Variants in TENM2 observed in about 807,000 individuals in gnomAD.
The protein encoded by TENM2 is teneurin transmembrane protein 2.
TENM2 carries 52 observed loss-of-function variants against 245.2 expected under a neutral mutation model. That is an observed-to-expected ratio of 0.21 (90% CI 0.17 to 0.27). The LOEUF (loss-of-function observed/expected upper bound fraction) is 0.27, where lower values mean the gene tolerates loss of function less well. TENM2 is among the 10% of genes least tolerant of loss of function. The pLI is 1.00. For synonymous variants in TENM2, 1,363 were observed against 1,438.9 expected (o/e 0.95, Z 1.19); for missense variants, 3,046 against 3,666.8 (o/e 0.83, Z 4.37).
intron 9 of TENM2, among the ~76,000 whole-genome samples, chr5:168,118,064 C>T (rs1044000015): frequency 2.0e-5 from 3 of 152,248 alleles, no homozygotes; most frequent in Non-Finnish European, 4.4e-5. Flanking sequence ...AGCCTTCTTT[C>T]TATACCGTGC....
Position 168,244,324 on chromosome 5 carries a change from C to T in TENM2, c.5521-96C>T. On this transcript the variant is annotated intron_variant, in intron 25 of 28. Transcript: ENST00000518659. This position sits in a 1 kb window ranked among gnomAD's most constrained non-coding sequence, Gnocchi z 4.9. ...GGGTTATTTCTTCCTCCAGTGAACA[C>T]TTAAGCCCTGGCCATGCCAGCCATG... 1 of 1,021,558 alleles carries T rather than the reference C, an allele frequency of 9.8e-7. No homozygotes were observed. The allele number at this position is 1,021,558 out of a possible 1,614,324, so 63.3% of individuals were successfully genotyped here.
chr5:167,564,934 G>T (rs529031143), intron 2 of TENM2, among the ~76,000 whole-genome samples: 1 of 152,220 alleles, frequency 6.6e-6, no homozygotes, highest in African/African-American at 2.4e-5. Context: ...GAGTCAGTAT[G>T]AGAGAGAACT....
intron 1 of TENM2, among the ~76,000 whole-genome samples, chr5:167,350,344 A>G (rs1473929945): frequency 6.6e-6 from 1 of 151,820 alleles, no homozygotes; most frequent in African/African-American, 2.4e-5. Context: ...ACTTCAAACA[A>G]TTCAATACTT....
chr5:167,283,430 G>A (rs1252703215), upstream of TENM2, among the ~76,000 whole-genome samples: 1 of 152,072 alleles, frequency 6.6e-6, no homozygotes, highest in Non-Finnish European at 1.5e-5. Flanking sequence ...ATAGATTGGG[G>A]GAGGGGGTCC....
chr5:167,467,512 T>A (rs1582130114), intron 2 of TENM2, among the ~76,000 whole-genome samples: 2 of 35,954 alleles, frequency 5.6e-5, no homozygotes, highest in Admixed American at 4.3e-4. Context: ...TTACTCTTGT[T>A]TGAGAAAAAA....
chr5:167,485,205 G>T (rs912212053), intron 2 of TENM2, among the ~76,000 whole-genome samples: 61 of 152,172 alleles, frequency 4.0e-4, no homozygotes, highest in African/African-American at 1.4e-3. Flanking sequence ...AAACCACAGG[G>T]AGAAGCTCAG....
At chr5:167,448,573 C>T (rs781291579) in intron 2 of TENM2, among the ~76,000 whole-genome samples, 1 of 149,822 alleles carries the variant, frequency 6.7e-6, no homozygotes, top group African/African-American at 2.5e-5. Context: ...ATGCTTAGTT[C>T]AGCTTTTTGT....
chr5:167,149,414 A>G, the TENM2 span, among the ~76,000 whole-genome samples: 1 of 152,002 alleles, frequency 6.6e-6, no homozygotes, highest in Non-Finnish European at 1.5e-5. Flanking sequence ...GTGTGCCTCT[A>G]CATAATATTA....
intron 2 of TENM2, among the ~76,000 whole-genome samples, chr5:167,531,430 A>G (rs918467706): frequency 5.9e-5 from 9 of 151,706 alleles, no homozygotes; most frequent in Non-Finnish European, 1.2e-4. Flanking sequence ...ATATGCATAC[A>G]TTGTGGAATG....
chr5:167,071,905 G>T, the TENM2 span, among the ~76,000 whole-genome samples: 1 of 47,956 alleles, frequency 2.1e-5, no homozygotes, highest in Non-Finnish European at 4.5e-5. Flanking sequence ...ACCCCCAACC[G>T]TCTGGAAAAT....
chr5:167,084,029 A>G, the TENM2 span, among the ~76,000 whole-genome samples: 248 of 152,018 alleles, frequency 1.6e-3, no homozygotes, highest in Non-Finnish European at 1.9e-3. Flanking sequence ...AAGGTCATCA[A>G]TTTAGATTTG....
chr5:167,547,367 G>A (rs1008208441), intron 2 of TENM2, among the ~76,000 whole-genome samples: 12 of 152,202 alleles, frequency 7.9e-5, no homozygotes, highest in African/African-American at 2.4e-4. Context: ...CACCGTGCCC[G>A]GCCTTGGCGG....
At chr5:168,256,322 G>C (rs1767655697) in intron 27 of TENM2, among the ~76,000 whole-genome samples, 1 of 151,782 alleles carries the variant, frequency 6.6e-6, no homozygotes, top group Non-Finnish European at 1.5e-5. Flanking sequence ...GACCTACCTG[G>C]TACATAGTAG....
chr5:167,644,875 A>G (rs530141777), intron 2 of TENM2, among the ~76,000 whole-genome samples: 1 of 152,314 alleles, frequency 6.6e-6, no homozygotes, highest in Admixed American at 6.5e-5. Context: ...GAAATGTGTC[A>G]TTTGGTGATT....
chr5:167,291,458 G>C (rs1449086492), intron 1 of TENM2, among the ~76,000 whole-genome samples: 1 of 152,130 alleles, frequency 6.6e-6, no homozygotes, highest in Non-Finnish European at 1.5e-5. Flanking sequence ...CGATCTCTTT[G>C]AAGATGTCTG....
chr5:167,400,799 G>A (rs899548957), intron 2 of TENM2, among the ~76,000 whole-genome samples: 1 of 152,138 alleles, frequency 6.6e-6, no homozygotes, highest in Non-Finnish European at 1.5e-5. Context: ...CTATTAAGTA[G>A]AGCAAGGTCA....
chr5:167,680,955 G>A (rs551186418), intron 2 of TENM2, among the ~76,000 whole-genome samples: 19 of 152,166 alleles, frequency 1.2e-4, no homozygotes, highest in Non-Finnish European at 8.8e-5. Flanking sequence ...TAGTGTATCC[G>A]TGCCTCTAGA....
chr5:167,460,431 A>G (rs191716553), intron 2 of TENM2, among the ~76,000 whole-genome samples: 73 of 152,292 alleles, frequency 4.8e-4, no homozygotes, highest in Middle Eastern at 3.4e-3. Context: ...TTTTGAATTG[A>G]GATGGGGATT....
At chr5:167,535,084 C>A (rs533423250) in intron 2 of TENM2, among the ~76,000 whole-genome samples, 1 of 151,966 alleles carries the variant, frequency 6.6e-6, no homozygotes, top group Admixed American at 6.6e-5. Context: ...GTTGGGATAA[C>A]TTTTCAGTCT....
Sources: gnomAD v4.1 joint callset for allele counts (sites outside exome capture counted in the v4.1 genomes callset) on GRCh38, gnomAD v4.1.1 for gene constraint, Gnocchi (gnomAD v3.1) non-coding constraint, MANE v1.5 for transcripts, NCBI Gene and HGNC (gene_info 2026-07-23, HGNC 2026-07-21) for gene names.